The following ATP11C variants were observed in gnomAD, a reference collection of about 807,000 sequenced individuals.
ATP11C encodes ATPase phospholipid transporting 11C (ATP11C blood group).
In ATP11C, 36 loss-of-function variants were observed where a neutral mutation model predicts 97.4. The observed-to-expected ratio is 0.37, with a 90% CI of 0.28 to 0.49. The LOEUF is 0.49. Among genes scored for constraint, ATP11C ranks in the 20% least tolerant of loss-of-function variants. The pLI is 0.98. For synonymous variants in ATP11C, 275 were observed against 290.9 expected (o/e 0.95, Z 0.56); for missense variants, 730 against 824.6 (o/e 0.89, Z 1.40).
intron 27 of ATP11C, among the ~76,000 whole-genome samples, chrX:139,740,199 GGA>G (rs2081527336): frequency 9.0e-6 from 1 of 111,090 alleles, no homozygotes; most frequent in African/African-American, 3.3e-5. Context: ...CCTTGTCAGG[GGA>G]AGCCATTCAC....
chrX:139,908,193 T>C (rs2085014012), intron 1 of ATP11C, among the ~76,000 whole-genome samples: 1 of 111,158 alleles, frequency 9.0e-6, no homozygotes, highest in Non-Finnish European at 1.9e-5. Context: ...TCCTTTAAGC[T>C]TCTCCAATGT....
chrX:139,775,011 GA>G, intron 18 of ATP11C, 58 bp from the exon 19 acceptor site: 1 of 1,097,587 alleles, frequency 9.1e-7, no homozygotes, highest in Non-Finnish European at 1.2e-6. Flanking sequence ...GATTCTACAG[GA>G]AGGCTTATTA....
chrX:139,773,226 T>C (rs1331436756), intron 19 of ATP11C, among the ~76,000 whole-genome samples: 1 of 111,550 alleles, frequency 9.0e-6, no homozygotes, highest in African/African-American at 3.3e-5. Flanking sequence ...TTCTGAGGCC[T>C]CCCCAACCAT....
At chrX:139,892,724 G>C (rs1354031600) in intron 1 of ATP11C, among the ~76,000 whole-genome samples, 1 of 111,732 alleles carries the variant, frequency 8.9e-6, no homozygotes. Context: ...CACAAAGTCA[G>C]AATGATACTA....
intron 29 of ATP11C, among the ~76,000 whole-genome samples, chrX:139,730,337 C>T (rs2081316214): frequency 9.1e-6 from 1 of 110,078 alleles, no homozygotes; most frequent in Non-Finnish European, 1.9e-5. Flanking sequence ...AAATGCATCA[C>T]ACAGCTTAGA....
At chrX:139,852,036 G>A (rs1223683884) in intron 1 of ATP11C, among the ~76,000 whole-genome samples, 7 of 109,975 alleles carry the variant, frequency 6.4e-5, no homozygotes, top group South Asian at 4.0e-4. Flanking sequence ...AGACTTCTGC[G>A]GTGTCATGTG....
At chrX:139,914,161 C>T (rs979339274) in intron 1 of ATP11C, among the ~76,000 whole-genome samples, 2 of 111,993 alleles carry the variant, frequency 1.8e-5, no homozygotes, top group South Asian at 7.5e-4. Context: ...TAGAACTGAG[C>T]CTGGAATTCC....
intron 1 of ATP11C, among the ~76,000 whole-genome samples, chrX:139,917,955 C>CAAAAA (rs774133039): frequency 2.6e-5 from 1 of 38,403 alleles, no homozygotes; most frequent in African/African-American, 9.6e-5. Context: ...GGCTTTGTCT[C>CAAAAA]AAAAAAAAAA....
intron 1 of ATP11C, among the ~76,000 whole-genome samples, chrX:139,865,214 A>T (rs897221403): frequency 1.3e-4 from 14 of 111,214 alleles, no homozygotes; most frequent in Middle Eastern, 4.2e-3. Flanking sequence ...AATTAAAATT[A>T]AAAAAAATTA....
At chrX:139,785,414 T>G in intron 15 of ATP11C, 115 bp from the exon 16 acceptor site, 1 of 497,806 alleles carries the variant, frequency 2.0e-6, no homozygotes, top group Non-Finnish European at 3.4e-6. Context: ...ACTGGTTGTG[T>G]GCACAACTGG....
chrX:139,909,120 GTTTT>G (rs763644241), intron 1 of ATP11C, among the ~76,000 whole-genome samples: 1 of 110,706 alleles, frequency 9.0e-6, no homozygotes, highest in Non-Finnish European at 1.9e-5. Context: ...TGCTTTTGGG[GTTTT>G]TTTTATTTTG....
At chrX:139,775,879 T>C (rs1019395297) in intron 18 of ATP11C, among the ~76,000 whole-genome samples, 1 of 112,677 alleles carries the variant, frequency 8.9e-6, no homozygotes, top group East Asian at 2.8e-4. Flanking sequence ...GGGGAATCTC[T>C]GCCCTTGAGT....
At chrX:139,805,284 A>C (rs1391223425) in intron 5 of ATP11C, among the ~76,000 whole-genome samples, 2 of 111,800 alleles carry the variant, frequency 1.8e-5, no homozygotes, top group East Asian at 2.8e-4. Context: ...TGTAGGGTTA[A>C]GTAAATCATA....
intron 1 of ATP11C, among the ~76,000 whole-genome samples, chrX:139,830,244 G>A (rs2083616632): frequency 9.0e-6 from 1 of 111,533 alleles, no homozygotes; most frequent in Non-Finnish European, 1.9e-5. Context: ...TTTTCTGGAA[G>A]CTCCCCAGGT....
intron 23 of ATP11C, among the ~76,000 whole-genome samples, chrX:139,754,930 G>A: frequency 9.0e-6 from 1 of 111,672 alleles, no homozygotes; most frequent in Non-Finnish European, 1.9e-5. Flanking sequence ...AAAACCAGAA[G>A]ACTAGGATGC....
At chrX:139,798,856 T>C in intron 8 of ATP11C, 113 bp from the exon 9 acceptor site, 2 of 536,479 alleles carry the variant, frequency 3.7e-6, no homozygotes. Flanking sequence ...ATGTTATCTG[T>C]CTACTTATAC....
intron 1 of ATP11C, 76 bp from the exon 2 acceptor site, chrX:139,826,899 T>A: frequency 9.4e-7 from 1 of 1,060,566 alleles, no homozygotes; most frequent in Non-Finnish European, 1.3e-6. Flanking sequence ...ATAATTCTTG[T>A]CCAAGCATGC....
At chrX:139,879,063 T>C (rs1910455512) in intron 1 of ATP11C, among the ~76,000 whole-genome samples, 1 of 111,177 alleles carries the variant, frequency 9.0e-6, no homozygotes, top group African/African-American at 3.3e-5. Context: ...TGAGCCACGA[T>C]AGTACCACTG....
At chrX:139,921,602 G>A (rs1045053539) in intron 1 of ATP11C, among the ~76,000 whole-genome samples, 2 of 111,981 alleles carry the variant, frequency 1.8e-5, no homozygotes, top group South Asian at 7.5e-4. Context: ...TGGTAAGTCC[G>A]AATGATGCAG....
Sources: gnomAD v4.1 joint callset for allele counts (sites outside exome capture counted in the v4.1 genomes callset) on GRCh38, gnomAD v4.1.1 for gene constraint, MANE v1.5 for transcripts, NCBI Gene and HGNC (gene_info 2026-07-23, HGNC 2026-07-21) for gene names.